EP300: variants seen among roughly 807,000 people sequenced by gnomAD.
The protein encoded by EP300 is EP300 lysine acetyltransferase.
In EP300, 31 loss-of-function variants were observed where a neutral mutation model predicts 264.0. The ratio of observed to expected loss-of-function variants is 0.12; its 90% CI spans 0.09 to 0.16. EP300 has a LOEUF of 0.16. EP300 is among the 10% of genes least tolerant of loss of function. The pLI is 1.00. For missense variants in EP300, 2,766 were observed against 3,052.9 expected (o/e 0.91, Z 2.21); for synonymous variants, 1,340 against 1,045.4 (o/e 1.28, Z -5.44).
intron 1 of EP300, among the ~76,000 whole-genome samples, chr22:41,115,880 G>C (rs1038596124): frequency 1.3e-5 from 2 of 152,196 alleles, no homozygotes; most frequent in African/African-American, 4.8e-5. Flanking sequence ...ATAGGAACTT[G>C]GTAAAAAATG....
chr22:41,157,551 T>G, intron 18 of EP300, 143 bp downstream of exon 18: 2 of 1,031,308 alleles, frequency 1.9e-6, no homozygotes, highest in Non-Finnish European at 1.4e-6. Context: ...TGACAGGGTC[T>G]TATTCTCCCA....
At chr22:41,158,853 T>C (rs1325133311) in intron 19 of EP300, 1 of 262,134 alleles carries the variant, frequency 3.8e-6, no homozygotes, top group African/African-American at 2.2e-5. Flanking sequence ...AACTTTTAAC[T>C]GAAACTCGCT....
intron 11 of EP300, 76 bp downstream of exon 11, chr22:41,146,892 C>T (rs1041123154): frequency 1.6e-6 from 2 of 1,269,606 alleles, no homozygotes; most frequent in African/African-American, 3.0e-5. Flanking sequence ...TACCTGAACA[C>T]CCGCTTTATG....
At position 41,176,906 on chromosome 22, in the gene EP300, G is replaced by C. The variant is rs772712660; in HGVS notation, c.5195G>C (p.Arg1732Pro). The change falls in exon 31 of 31, where the codon CGC (arginine) becomes CCC (proline). Residue 1732 changes from arginine to proline, a missense_variant. Coordinates refer to ENST00000263253, the MANE Select transcript of EP300 (RefSeq NM_001429.4). Reference protein sequence around the residue: ...AATQSPGDSRRLSIQRCIQSL... With the variant: ...AATQSPGDSRPLSIQRCIQSL... ...ACCCAGAGCCCAGGCGATTCTCGCC[G>C]CCTGAGTATCCAGCGCTGCATCCAG... 6.2e-7 allele frequency: 1 copy of C among 1,614,116 alleles called. No homozygotes were observed. Among genetic ancestry groups the C allele is most frequent in the Admixed American group, 1.7e-5 (1 of 60,012 alleles).
chr22:41,102,634 G>A (rs955518751), intron 1 of EP300, among the ~76,000 whole-genome samples: 4 of 152,114 alleles, frequency 2.6e-5, no homozygotes, highest in African/African-American at 7.2e-5. Flanking sequence ...GAATAGTTTG[G>A]GAAGAACAGG....
intron 1 of EP300, chr22:41,108,248 T>TTC (rs1555904375): frequency 1.2e-4 from 15 of 127,060 alleles, no homozygotes; most frequent in African/African-American, 5.6e-4. Flanking sequence ...CTTTTTCTTT[T>TTC]TTTTTTTTTT....
At chr22:41,134,163 C>CTTTTTTTTTTTTTTTTTTTTTTTTT (rs11362436) in intron 6 of EP300, among the ~76,000 whole-genome samples, 4 of 105,634 alleles carry the variant, frequency 3.8e-5, no homozygotes, top group East Asian at 2.7e-4. Flanking sequence ...TCATTCTTTT[C>CTTTTTTTTTTTTTTTTTTTTTTTTT]TTTTTTTTTT....
chr22:41,148,442 GA>G (rs2059024919), intron 12 of EP300, among the ~76,000 whole-genome samples: 1 of 152,142 alleles, frequency 6.6e-6, no homozygotes, highest in Admixed American at 6.5e-5. Flanking sequence ...TTTCAACAGG[GA>G]GTTCTGTCCT....
At chr22:41,099,506 C>T (rs73426530) in intron 1 of EP300, among the ~76,000 whole-genome samples, 1,840 of 152,276 alleles carry the variant, frequency 0.012, 34 homozygotes, top group African/African-American at 0.043. Context: ...TCCATCTTAA[C>T]TAATCACTTG....
intron 6 of EP300, among the ~76,000 whole-genome samples, chr22:41,135,105 T>A (rs552227682): frequency 6.6e-6 from 1 of 152,254 alleles, no homozygotes; most frequent in East Asian, 1.9e-4. Context: ...TTTCACCACA[T>A]TGGCCAGGCT....
At chr22:41,160,956 G>C (rs1010713364) in intron 20 of EP300, among the ~76,000 whole-genome samples, 1 of 151,464 alleles carries the variant, frequency 6.6e-6, no homozygotes, top group Non-Finnish European at 1.5e-5. Flanking sequence ...TCAACACAGA[G>C]AACATATCCA....
At chr22:41,107,174 C>T (rs938140653) in intron 1 of EP300, among the ~76,000 whole-genome samples, 7 of 152,122 alleles carry the variant, frequency 4.6e-5, no homozygotes, top group East Asian at 1.9e-4. Flanking sequence ...GCTGAGATTA[C>T]AGGCATGAGC....
At position 41,172,576 on chromosome 22, in the gene EP300, C is replaced by T. The variant is rs760508468; in HGVS notation, c.4530C>T (p.Pro1510=). The T allele has an allele frequency of 6.2e-7, 1 of 1,613,958 alleles. No individual in the cohort carries two copies. Among genetic ancestry groups the T allele is most frequent in the East Asian group, 2.2e-5 (1 of 44,864 alleles). ...ELPYFEGDFW[P]NVLEESIKEL... ...CTTATTTCGAGGGTGATTTCTGGCC[C>T]AATGTTCTGGAAGAAAGCATTAAGG... The change falls in exon 28 of 31, where the codon CCC becomes CCT. Residue 1510 remains proline (P), a synonymous_variant. Transcript: ENST00000263253.
At chr22:41,149,282 A>AT in intron 13 of EP300, 107 bp downstream of exon 13, 3 of 1,346,784 alleles carry the variant, frequency 2.2e-6, no homozygotes, top group East Asian at 2.3e-5. Context: ...AAAACAGATG[A>AT]TTTTTTAAAA....
At chr22:41,121,436 G>A (rs759924837) in intron 2 of EP300, among the ~76,000 whole-genome samples, 4 of 152,186 alleles carry the variant, frequency 2.6e-5, no homozygotes, top group Non-Finnish European at 5.9e-5. Flanking sequence ...TGATCTGGAG[G>A]TTGGTTGGTA....
intron 2 of EP300, among the ~76,000 whole-genome samples, chr22:41,119,049 CT>C (rs1367696191): frequency 2.0e-5 from 3 of 146,902 alleles, no homozygotes; most frequent in African/African-American, 7.5e-5. Flanking sequence ...GTCACCCAGG[CT>C]GGAGTGCACT....
At chr22:41,167,815 T>G (rs8136962) in intron 23 of EP300, among the ~76,000 whole-genome samples, 17,258 of 42,624 alleles carry the variant, frequency 0.4, 3,683 homozygotes, top group East Asian at 0.63. Flanking sequence ...TTTGTTTTTG[T>G]TTTTTTTTTT....
At position 41,129,826 on chromosome 22, in the gene EP300, G is replaced by A. The variant is rs909590061; in HGVS notation, c.1169-64G>A. On this transcript the variant is annotated intron_variant, in intron 4 of 30. Coordinates refer to ENST00000263253, the MANE Select transcript of EP300 (RefSeq NM_001429.4). Reference sequence around the variant, plus strand: ...ATGTTACTTATTAAGTGGTCAACAAGTTAGCTATTATTAATGTAAAAACAT... The same window carrying A: ...ATGTTACTTATTAAGTGGTCAACAAATTAGCTATTATTAATGTAAAAACAT... 3.2e-6 allele frequency: 4 copies of A among 1,259,384 alleles called. No homozygotes were observed. The African/African-American group carries it at 5.9e-5, about 19-fold the overall frequency. The allele number at this position is 1,259,384 out of a possible 1,614,324, so 78.0% of individuals were successfully genotyped here.
intron 2 of EP300, among the ~76,000 whole-genome samples, chr22:41,120,671 A>G (rs1468166859): frequency 6.6e-6 from 1 of 152,100 alleles, no homozygotes; most frequent in Admixed American, 6.6e-5. Flanking sequence ...ACTGCCTTTT[A>G]CCCCAATCTT....
Sources: gnomAD v4.1 joint callset for allele counts (sites outside exome capture counted in the v4.1 genomes callset) on GRCh38, gnomAD v4.1.1 for gene constraint, MANE v1.5 for transcripts, NCBI Gene and HGNC (gene_info 2026-07-23, HGNC 2026-07-21) for gene names.